The following EXT1 variants were observed in gnomAD, a reference collection of about 807,000 sequenced individuals.
EXT1 encodes exostosin glycosyltransferase 1.
A neutral mutation model predicts 82.5 loss-of-function variants in EXT1; 20 were observed. That is an observed-to-expected ratio of 0.24 (90% CI 0.17 to 0.35). The LOEUF (loss-of-function observed/expected upper bound fraction) is 0.35. EXT1 is among the 10% of genes least tolerant of loss of function. EXT1 has a pLI of 1.00. For synonymous variants in EXT1, 348 were observed against 350.8 expected, an observed-to-expected ratio of 0.99 and a Z score of 0.09; for missense variants, 757 against 936.5, an observed-to-expected ratio of 0.81 and a Z score of 2.50.
chr8:117,804,441 C>A (rs1308487679), intron 10 of EXT1, among the ~76,000 whole-genome samples: 1 of 152,124 alleles, frequency 6.6e-6, no homozygotes, highest in African/African-American at 2.4e-5. Context: ...CATAGCAGCC[C>A]AAATGGACTA....
At chr8:118,105,763 C>T (rs1475680763) in intron 1 of EXT1, among the ~76,000 whole-genome samples, 4 of 152,006 alleles carry the variant, frequency 2.6e-5, no homozygotes, top group African/African-American at 9.7e-5. Context: ...ATCTCAATTC[C>T]CACCTTTCAT....
At position 117,867,260 on chromosome 8, in the gene EXT1, G is replaced by GAAAAAAAAAAAAA. The variant is rs372575361; in HGVS notation, c.963-30072_963-30060dup. 2.2e-4 allele frequency among the ~76,000 whole-genome samples: 22 copies of GAAAAAAAAAAAAA among 98,874 alleles called. 1 individual carries two copies. Among genetic ancestry groups the GAAAAAAAAAAAAA allele is most frequent in the African/African-American group, 4.0e-4 (10 of 24,750 alleles). 64.9% of individuals were successfully genotyped at this position (98,874 alleles called of 152,430 possible). On this transcript the variant is annotated intron_variant, in intron 1 of 10. Transcript: ENST00000378204. The stretch of plus-strand genomic sequence containing the variant: ...GGCGACAGAGTGAGACTCCACCTCA[G>GAAAAAAAAAAAAA]AAAAAAAAAAAAAGCTTGAGGAAAT...
At chr8:118,048,051 G>C (rs1343065622) in intron 1 of EXT1, among the ~76,000 whole-genome samples, 1 of 151,758 alleles carries the variant, frequency 6.6e-6, no homozygotes, top group African/African-American at 2.4e-5. Context: ...CAGTACCTGG[G>C]AACTCCCTAG....
At chr8:118,094,227 T>C (rs1050129960) in intron 1 of EXT1, among the ~76,000 whole-genome samples, 5 of 152,268 alleles carry the variant, frequency 3.3e-5, no homozygotes, top group African/African-American at 1.2e-4. Context: ...GGAGAACGAA[T>C]TTTTTTAAAG....
chr8:117,814,234 GGTGTGT>G (rs57727618), intron 7 of EXT1, among the ~76,000 whole-genome samples: 3,204 of 146,814 alleles, frequency 0.022, 108 homozygotes, highest in African/African-American at 0.075. Flanking sequence ...CACACACAGT[GGTGTGT>G]GTGTGTGTGT....
At chr8:118,065,230 A>G (rs73327826) in intron 1 of EXT1, among the ~76,000 whole-genome samples, 1,596 of 152,070 alleles carry the variant, frequency 0.01, 26 homozygotes, top group African/African-American at 0.036. Context: ...GCATTTCTCT[A>G]ATGACCCATG....
intron 1 of EXT1, among the ~76,000 whole-genome samples, chr8:118,060,745 G>A (rs1373040428): frequency 6.6e-6 from 1 of 152,202 alleles, no homozygotes; most frequent in Non-Finnish European, 1.5e-5. Flanking sequence ...AGCAATTAGG[G>A]CTGTATCAAC....
chr8:118,008,964 C>T lies in EXT1; in HGVS notation c.962+101121G>A, dbSNP rs541481608. Among the ~76,000 whole-genome samples, 253 of 152,196 alleles carry T rather than the reference C, an allele frequency of 1.7e-3. 1 individual carries two copies. Among genetic ancestry groups the T allele is most frequent in the African/African-American group, 5.6e-3 (234 of 41,518 alleles). On this transcript the variant is annotated intron_variant, in intron 1 of 10. Transcript: ENST00000378204. ...TATGAAATGGGTCATCTCTTATCTA[C>T]GCAAGTATATCTGTAGAATGCATTC...
At chr8:117,970,254 C>T (rs1203876453) in intron 1 of EXT1, among the ~76,000 whole-genome samples, 2 of 152,018 alleles carry the variant, frequency 1.3e-5, no homozygotes, top group African/African-American at 4.8e-5. Context: ...CTGGGCTGTA[C>T]CCCCAGAACT....
At chr8:118,006,138 A>T (rs766301204) in intron 1 of EXT1, among the ~76,000 whole-genome samples, 1 of 152,178 alleles carries the variant, frequency 6.6e-6, no homozygotes, top group Non-Finnish European at 1.5e-5. Flanking sequence ...TATTCCTCTT[A>T]ACATCTCTCC....
At chr8:117,919,034 T>A (rs1406432209) in intron 1 of EXT1, among the ~76,000 whole-genome samples, 4 of 152,160 alleles carry the variant, frequency 2.6e-5, no homozygotes, top group Admixed American at 2.0e-4. Flanking sequence ...TTAGCAGAAT[T>A]CAATACAGCT....
chr8:117,933,867 C>T (rs879411741), intron 1 of EXT1, among the ~76,000 whole-genome samples: 6 of 152,280 alleles, frequency 3.9e-5, no homozygotes, highest in African/African-American at 7.2e-5. Flanking sequence ...CAAGTCCAGA[C>T]GCCTGCTCAC....
chr8:117,829,004 A>G (rs1246312601), intron 4 of EXT1, among the ~76,000 whole-genome samples: 2 of 152,148 alleles, frequency 1.3e-5, no homozygotes, highest in African/African-American at 4.8e-5. Context: ...GGTATTACTC[A>G]GATTTCTCAG....
intron 1 of EXT1, among the ~76,000 whole-genome samples, chr8:117,886,069 A>G (rs1406427842): frequency 3.3e-5 from 5 of 152,228 alleles, no homozygotes; most frequent in Non-Finnish European, 7.3e-5. Context: ...AATGTATACG[A>G]TGGAACAAAT....
intron 1 of EXT1, among the ~76,000 whole-genome samples, chr8:117,856,340 C>T (rs1280824347): frequency 4.6e-5 from 7 of 150,584 alleles, no homozygotes; most frequent in African/African-American, 1.2e-4. Flanking sequence ...CTGCAAGTTC[C>T]GCCTCCCGGG....
chr8:118,067,201 T>C (rs1817004094), intron 1 of EXT1, among the ~76,000 whole-genome samples: 1 of 152,226 alleles, frequency 6.6e-6, no homozygotes, highest in Non-Finnish European at 1.5e-5. Flanking sequence ...TTTTTGAATA[T>C]TGTCATCTTG....
intron 1 of EXT1, among the ~76,000 whole-genome samples, chr8:117,849,191 C>A (rs1812414799): frequency 6.6e-6 from 1 of 152,218 alleles, no homozygotes; most frequent in South Asian, 2.1e-4. Flanking sequence ...ACAGACCAAC[C>A]TGTGCTCCTG....
rs545209862 is a variant in EXT1, at chr8:117,856,698, C to T, written c.963-19497G>A. Among the ~76,000 whole-genome samples, 24 of 152,174 alleles carry T rather than the reference C, an allele frequency of 1.6e-4. No individual in the cohort carries two copies. In the South Asian group the frequency reaches 5.0e-3, roughly 32 times the overall value. The stretch of plus-strand genomic sequence containing the variant: ...CATATCATAATAGCGCAAGGTGAAG[C>T]AGCAAGTACTGATCTAGAAGCTGCA... On this transcript the variant is annotated intron_variant, in intron 1 of 10. Coordinates refer to ENST00000378204, the MANE Select transcript of EXT1 (RefSeq NM_000127.3).
intron 1 of EXT1, among the ~76,000 whole-genome samples, chr8:117,976,134 A>G (rs1815060309): frequency 6.6e-6 from 1 of 152,242 alleles, no homozygotes; most frequent in South Asian, 2.1e-4. Flanking sequence ...GGCCCATATT[A>G]GAGCTATTTC....
Sources: gnomAD v4.1 joint callset for allele counts (sites outside exome capture counted in the v4.1 genomes callset) on GRCh38, gnomAD v4.1.1 for gene constraint, MANE v1.5 for transcripts, NCBI Gene and HGNC (gene_info 2026-07-23, HGNC 2026-07-21) for gene names.